TTN: variants seen among roughly 807,000 people sequenced by gnomAD.
TTN encodes titin.
In TTN, 1,525 loss-of-function variants were observed where a neutral mutation model predicts 3,223.0. The ratio of observed to expected loss-of-function variants is 0.47; its 90% CI spans 0.45 to 0.49. The LOEUF (loss-of-function observed/expected upper bound fraction) is 0.49, where lower values mean the gene tolerates loss of function less well. Ranked by LOEUF, TTN falls within the 20% of genes least tolerant of loss-of-function variation. TTN has a pLI of 0.00. For missense variants in TTN, 40,786 were observed against 43,424.0 expected (o/e 0.94, Z 5.40); for synonymous variants, 14,094 against 15,161.0 (o/e 0.93, Z 5.17).
rs1460564659 is a variant in TTN, at chr2:178,678,815, T to C, written c.33758A>G (p.Lys11253Arg). The change falls in exon 143 of 363, where the codon AAG becomes AGG. Residue 11253 changes from lysine to arginine, a missense_variant. By Grantham distance (26) the Lys-to-Arg change is conservative. Transcript: ENST00000589042. ...PPPAKVPEVPKKPVPEEKVPV... is the reference protein window; with the variant it reads ...PPPAKVPEVPRKPVPEEKVPV... Reference sequence around the variant, plus strand: ...TACTTTCTCCTCTGGCACAGGTTTCTTGGGCACTTCAGGAACTTCAAAGAT... The same window carrying C: ...TACTTTCTCCTCTGGCACAGGTTTCCTGGGCACTTCAGGAACTTCAAAGAT... 2.5e-6 allele frequency: 4 copies of C among 1,595,084 alleles called. No homozygotes were observed. Among genetic ancestry groups the C allele is most frequent in the Middle Eastern group, 1.7e-4 (1 of 6,024 alleles).
Position 178,778,894 on chromosome 2 carries a change from T to C in TTN, c.4188A>G (p.Leu1396=), listed in dbSNP as rs192329423. ...CTTACCTGATTCTGCTCACTGGCTC[T>C]AGTGTGGGAATGTAAGTCGGAGCTC... The part of the protein sequence containing the change: ...PLGAPTYIPT[L]EPVSRIRSLS... Residue 1396 remains leucine (L), a synonymous_variant, in exon 24 of 363, where the codon CTA becomes CTG. Transcript: ENST00000589042. 2.5e-6 allele frequency: 4 copies of C among 1,613,954 alleles called. No individual in the cohort carries two copies. Among genetic ancestry groups the C allele is most frequent in the Non-Finnish European group, 3.4e-6 (4 of 1,179,890 alleles).
rs2078297140 is a variant in TTN, at chr2:178,721,149, C to T, written c.22870G>A (p.Glu7624Lys). 2 of 1,609,710 alleles carry T rather than the reference C, an allele frequency of 1.2e-6. No individual in the cohort carries two copies. The highest frequency in any genetic ancestry group is 1.7e-6 in the Non-Finnish European group (2 of 1,176,756). The change falls in exon 79 of 363, where the codon GAA (glutamate) becomes AAA (lysine). Residue 7624 changes from glutamate to lysine, a missense_variant. Transcript: ENST00000589042. Reference protein sequence around the residue: ...LEASKVAKQGESIQLECKISG... With the variant: ...LEASKVAKQGKSIQLECKISG... The stretch of plus-strand genomic sequence containing the variant: ...ATTTTACATTCCAGTTGAATGGATT[C>T]TCCCTGCTTTGCAACTTTTGAAGCT...
chr2:178,751,509 T>C (rs1481861789), intron 47 of TTN: 2 of 1,613,298 alleles, frequency 1.2e-6, no homozygotes, highest in Admixed American at 3.3e-5. Context: ...TCAACCTTTA[T>C]CCTATCTTCT....
At chr2:178,729,230 T>A in intron 64 of TTN, 58 bp downstream of exon 64, 1 of 1,549,140 alleles carries the variant, frequency 6.5e-7, no homozygotes, top group Non-Finnish European at 8.7e-7. Context: ...CCCATAATGA[T>A]AAGATTTAAA....
chr2:178,684,147 A>G (rs1489855312), intron 132 of TTN, 65 bp from the exon 133 acceptor site: 2 of 1,553,938 alleles, frequency 1.3e-6, no homozygotes, highest in East Asian at 2.2e-5. Context: ...AGGCAGCCAT[A>G]AAGTAGTAGC....
In TTN at chr2:178,794,463, G is replaced by T. The variant is rs762915170; in HGVS notation, c.1334C>A (p.Ala445Asp). 2 of 1,614,082 alleles carry T rather than the reference G, an allele frequency of 1.2e-6. No homozygotes were observed. Among genetic ancestry groups the T allele is most frequent in the South Asian group, 2.2e-5 (2 of 91,086 alleles). Residue 445 changes from alanine (A) to aspartate (D), a missense_variant, in exon 8 of 363, where the codon GCT becomes GAT. Ala to Asp is a moderately radical substitution (Grantham distance 126). Transcript: ENST00000589042. ...TGTCCTCTGAGCAGTCTGCTCTACA[G>T]CGCTGATCACTGGTTCTCTCACTCT... ...MARVREPVIS[A>D]VEQTAQRTTT... is the part of the protein sequence containing the mutation.
Position 178,531,221 on chromosome 2 carries a change from G to A in TTN, c.105394C>T (p.Leu35132=). 1.9e-6 allele frequency: 3 copies of A among 1,613,940 alleles called. No individual in the cohort carries two copies. Among genetic ancestry groups the A allele is most frequent in the Non-Finnish European group, 2.5e-6 (3 of 1,179,856 alleles). ...ACGGTCATGGACCGTGGCTTTGTTA[G>A]AATTCTTGCTGCCAAAGTCGTCTTG... The part of the protein sequence containing the change: ...KIKTTLAARI[L]TKPRSMTVYE... Residue 35132 remains leucine, a synonymous_variant, in exon 358 of 363, where the codon CTA becomes TTA. Transcript: ENST00000589042.
chr2:178,701,596 G>A lies in TTN; in HGVS notation c.30539-9C>T, dbSNP rs548609202. The A allele has an allele frequency of 6.2e-7, 1 of 1,613,204 alleles. No homozygotes were observed. The highest frequency in any genetic ancestry group is 1.3e-5 in the African/African-American group (1 of 74,970). ...TCTGGAGTCAGGAATATCTGGAAAG[G>A]GACATGTAATAAGCATAGAGAGACT... On this transcript the variant is annotated splice_polypyrimidine_tract_variant and intron_variant, in intron 109 of 362. Transcript: ENST00000589042.
At chr2:178,651,817 C>A in intron 205 of TTN, 67 bp downstream of exon 205, 1 of 1,602,558 alleles carries the variant, frequency 6.2e-7, no homozygotes, top group South Asian at 1.1e-5. Context: ...CTCAGAGCAC[C>A]CAGAATTATC....
chr2:178,617,974 A>C lies in TTN; in HGVS notation c.47377T>G (p.Tyr15793Asp). ...EYDGGAEITN[Y>D]VIELRDKTSI... is the part of the protein sequence containing the mutation. ...GTCTTGTCTCTTAATTCAATGACGT[A>C]GTTTGTGATCTCAGCACCTCCATCA... Residue 15793 changes from tyrosine to aspartate, a missense_variant, in exon 253 of 363, where the codon TAC becomes GAC. By Grantham distance (160) the Tyr-to-Asp change is radical (BLOSUM62 -3). Transcript: ENST00000589042. The C allele has an allele frequency of 6.2e-7, 1 of 1,612,656 alleles. No homozygotes were observed.
chr2:178,534,364 A>G lies in TTN; in HGVS notation c.102251T>C (p.Val34084Ala). 6.2e-7 allele frequency: 1 copy of G among 1,611,272 alleles called. No individual in the cohort carries two copies. The change falls in exon 358 of 363, where the codon GTT (valine) becomes GCT (alanine). Residue 34084 changes from valine to alanine, a missense_variant. Coordinates refer to ENST00000589042, the MANE Select transcript of TTN (RefSeq NM_001267550.2). ...ACGCCGGTGTTTTAATGTTCTGATA[A>G]CTTTAGTACTGACTCTTTCTATCTT... ...KQKIERVSTK[V>A]IRTLKHRRYY...
Position 178,617,878 on chromosome 2 carries a change from C to T in TTN, c.47473G>A (p.Glu15825Lys). The change falls in exon 253 of 363, where the codon GAA (glutamate) becomes AAA (lysine). Residue 15825 changes from glutamate (E) to lysine (K), a missense_variant. Physicochemically the swap from Glu to Lys is moderately conservative, Grantham distance 56 (BLOSUM62 1). Transcript: ENST00000589042. ...ACTCGGAAACTGTACTCCTGTCCTTCTACCACATCAGTAACAGTTGCAGAC... is the reference window on the plus strand; with the variant it reads ...ACTCGGAAACTGTACTCCTGTCCTTTTACCACATCAGTAACAGTTGCAGAC... ...DLSATVTDVV[E>K]GQEYSFRVRA... 1 of 1,612,692 alleles carries T rather than the reference C, an allele frequency of 6.2e-7. No individual in the cohort carries two copies. Among genetic ancestry groups the T allele is most frequent in the Non-Finnish European group, 8.5e-7 (1 of 1,179,112 alleles).
rs2094356783 is a variant in TTN, at chr2:178,807,363, T to C, written c.-165A>G. 6.6e-6 allele frequency: 1 copy of C among 152,012 alleles called. No homozygotes were observed. The highest frequency in any genetic ancestry group is 2.4e-5 in the African/African-American group (1 of 41,390). 9.4% of individuals were successfully genotyped at this position (152,012 alleles called of 1,614,324 possible). A position where few individuals can be genotyped will look rare whatever the true frequency, so the allele number is the denominator to read the frequency against. On this transcript the variant is annotated 5_prime_UTR_variant, in exon 1 of 363. Transcript: ENST00000589042. The stretch of plus-strand genomic sequence containing the variant: ...ACAAAACTACACAGTCAAGACTGTG[T>C]AGTTTTGCTTTTCTATGCAATCCCT...
intron 111 of TTN, among the ~76,000 whole-genome samples, chr2:178,699,758 A>C (rs1439440156): frequency 1.2e-5 from 1 of 85,486 alleles, no homozygotes; most frequent in East Asian, 3.4e-4. Context: ...ACGGAGTCTC[A>C]CTCTGTCACC....
rs2154162117 is a variant in TTN at position 178,564,154 on chromosome 2, T to C, written c.81978A>G (p.Lys27326=). ...LEETAARMEI[K]STIQKTTLVV... is the part of the protein sequence containing the mutation. Reference sequence around the variant, plus strand: ...CAAGAGTTGTTTTCTGAATAGTAGATTTAATTTCCATTCTAGCAGCTGTTT... The same window carrying C: ...CAAGAGTTGTTTTCTGAATAGTAGACTTAATTTCCATTCTAGCAGCTGTTT... Residue 27326 remains lysine, a synonymous_variant, in exon 326 of 363, where the codon AAA becomes AAG. Coordinates refer to ENST00000589042, the MANE Select transcript of TTN (RefSeq NM_001267550.2). The C allele has an allele frequency of 1.9e-6, 3 of 1,613,788 alleles. No individual in the cohort carries two copies. Among genetic ancestry groups the C allele is most frequent in the Non-Finnish European group, 2.5e-6 (3 of 1,179,752 alleles).
chr2:178,726,139 G>A (rs1458281152), intron 69 of TTN, 93 bp from the exon 70 acceptor site: 3 of 1,412,302 alleles, frequency 2.1e-6, no homozygotes, highest in Non-Finnish European at 2.8e-6. Flanking sequence ...AAAGGTTTAA[G>A]ATATTCTAAT....
Position 178,773,567 on chromosome 2 carries a change from C to T in TTN, c.7489G>A (p.Gly2497Ser), listed in dbSNP as rs2091839294. The T allele has an allele frequency of 6.2e-7, 1 of 1,614,016 alleles. No homozygotes were observed. The highest frequency in any genetic ancestry group is 1.1e-5 in the South Asian group (1 of 91,076). The change falls in exon 32 of 363, where the codon GGT becomes AGT. Residue 2497 changes from glycine to serine, a missense_variant. Coordinates refer to ENST00000589042, the MANE Select transcript of TTN (RefSeq NM_001267550.2). ...TTAATGACTAGTCGCTGTTTAGTAC[C>T]TTTCACAATGGCCTGTACACGGTCA... ...PDDRVQAIVK[G>S]TKQRLVINRT...
chr2:178,777,719 AC>A lies in TTN; in HGVS notation c.4464del (p.Phe1489SerfsTer17), dbSNP rs1389401579. The A allele has an allele frequency of 6.2e-7, 1 of 1,614,090 alleles. No homozygotes were observed. Among genetic ancestry groups the A allele is most frequent in the South Asian group, 1.1e-5 (1 of 91,080 alleles). ...LKVVGRPMPETFWFHDGQQIV... is the reference protein window; with the variant it reads ...LKVVGRPMPEXFWFHDGQQIV... Reference sequence around the variant, plus strand: ...TCACGCTTACCATCATGAAACCAGAACGTCTCTGGCATAGGTCTACCAACAA... The same window carrying A: ...TCACGCTTACCATCATGAAACCAGAAGTCTCTGGCATAGGTCTACCAACAA... On this transcript the variant is annotated frameshift_variant, in exon 25 of 363. Transcript: ENST00000589042. LOFTEE classifies it high-confidence loss of function.
rs761215282 is a variant in TTN at position 178,730,101 on chromosome 2, A to G, written c.18299T>C (p.Phe6100Ser). 10 of 1,611,008 alleles carry G rather than the reference A, an allele frequency of 6.2e-6. No homozygotes were observed. In the South Asian group the frequency reaches 6.6e-5, roughly 11 times the overall value. ...VGTATSKATL[F>S]VKEPPQFIKK... ...AGATGTAGAGACCAGACCTTTTACA[A>G]AGAGAGTGGCTTTGCTGGTTGCTGT... Residue 6100 changes from phenylalanine (F) to serine (S), a missense_variant, in exon 62 of 363, where the codon TTT (phenylalanine) becomes TCT (serine). Transcript: ENST00000589042.
Sources: gnomAD v4.1 joint callset for allele counts (sites outside exome capture counted in the v4.1 genomes callset) on GRCh38, gnomAD v4.1.1 for gene constraint, MANE v1.5 for transcripts, NCBI Gene and HGNC (gene_info 2026-07-23, HGNC 2026-07-21) for gene names.